The following TM7SF2 variants were observed in gnomAD, a reference collection of about 807,000 sequenced individuals.
TM7SF2 encodes delta(14)-sterol reductase TM7SF2.
In TM7SF2, 51 loss-of-function variants were observed where a neutral mutation model predicts 51.0. The observed-to-expected ratio is 1.00, with a 90% CI of 0.80 to 1.26. The LOEUF (loss-of-function observed/expected upper bound fraction) is 1.26, where lower values mean the gene tolerates loss of function less well. TM7SF2 is among the 50% of genes most tolerant of loss of function. TM7SF2 has a pLI of 0.00. For missense variants in TM7SF2, 541 were observed against 547.4 expected, an observed-to-expected ratio of 0.99 and a Z score of 0.12; for synonymous variants, 255 against 241.0, an observed-to-expected ratio of 1.06 and a Z score of -0.54.
At position 65,114,751 on chromosome 11, in the gene TM7SF2, G is replaced by A; in HGVS notation, c.642G>A (p.Glu214=). ...INLALLMKEA[E]LRGSPSLAMW... ...TGGCCCTGTTGATGAAGGAGGCAGA[G>A]CTTCGAGGCAGTCCCTCACTGGCCA... The change falls in exon 6 of 10, where the codon GAG becomes GAA. Residue 214 remains glutamate, a synonymous_variant. Coordinates refer to ENST00000279263, the MANE Select transcript of TM7SF2 (RefSeq NM_003273.6). 2 of 1,614,266 alleles carry A rather than the reference G, an allele frequency of 1.2e-6. No individual in the cohort carries two copies. Among genetic ancestry groups the A allele is most frequent in the Non-Finnish European group, 1.7e-6 (2 of 1,180,046 alleles).
Position 65,112,606 on chromosome 11 carries a change from C to A in TM7SF2, c.144C>A (p.Pro48=), listed in dbSNP as rs754962825. ...GCCCCGCGCGCCTGCTGGGTCCACC[C>A]GCGTCCCTGCCGGGGCTGGAGGTGC... is the stretch of plus-strand genomic sequence containing the variant. ...RSGPARLLGP[P]ASLPGLEVLW... Residue 48 remains proline, a synonymous_variant, in exon 2 of 10, where the codon CCC becomes CCA. Coordinates refer to ENST00000279263, the MANE Select transcript of TM7SF2 (RefSeq NM_003273.6). 1 of 1,517,432 alleles carries A rather than the reference C, an allele frequency of 6.6e-7. No homozygotes were observed. The highest frequency in any genetic ancestry group is 2.6e-5 in the East Asian group (1 of 38,234). 94.0% of individuals were successfully genotyped at this position (1,517,432 alleles called of 1,614,324 possible). A position where few individuals can be genotyped will look rare whatever the true frequency, so the allele number is the denominator to read the frequency against.
rs753946785 is a variant in TM7SF2 at position 65,115,100 on chromosome 11, G to A, written c.892+19G>A. On this transcript the variant is annotated intron_variant, in intron 7 of 9. Transcript: ENST00000279263. The stretch of plus-strand genomic sequence containing the variant: ...ATCAATGGTCAGTCAGGAAGGGGCA[G>A]CAGGCTGGGCCCATCTTCCCCCTAT... 17 of 1,610,114 alleles carry A rather than the reference G, an allele frequency of 1.1e-5. No homozygotes were observed. The East Asian group carries it at 3.8e-4, about 36-fold the overall frequency.
At position 65,113,297 on chromosome 11, in the gene TM7SF2, G is replaced by A; in HGVS notation, c.382G>A (p.Glu128Lys). Residue 128 changes from glutamate (E) to lysine (K), a missense_variant, in exon 4 of 10, where the codon GAA (glutamate) becomes AAA (lysine). Coordinates refer to ENST00000279263, the MANE Select transcript of TM7SF2 (RefSeq NM_003273.6). ...GGGGCTGCCTCTGGGGGCGCTCCCG[G>A]AAATGCTCCTGCCCTTGGCGTTTGT... is the stretch of plus-strand genomic sequence containing the variant. ...SAGLPLGALP[E>K]MLLPLAFVAT... The A allele has an allele frequency of 6.2e-6, 10 of 1,612,464 alleles. No individual in the cohort carries two copies. Among genetic ancestry groups the A allele is most frequent in the East Asian group, 2.2e-5 (1 of 44,880 alleles).
intron 5 of TM7SF2, 36 bp from the exon 6 acceptor site, chr11:65,114,677 T>C: frequency 6.2e-7 from 1 of 1,607,350 alleles, no homozygotes; most frequent in Non-Finnish European, 8.5e-7. Context: ...AGGCTGCCAC[T>C]TCTGTGGAGA....
intron 2 of TM7SF2, 39 bp downstream of exon 2, chr11:65,112,750 G>A (rs1947925292): frequency 6.5e-7 from 1 of 1,549,312 alleles, no homozygotes; most frequent in Non-Finnish European, 8.7e-7. Context: ...GGAGGGAAGC[G>A]AATGGGCTCG....
chr11:65,112,236 A>G, intron 1 of TM7SF2, 169 bp downstream of exon 1: 1 of 724,534 alleles, frequency 1.4e-6, no homozygotes, highest in Admixed American at 3.1e-5. Context: ...AGAGCTGAGG[A>G]GGGGCCGGTT....
At chr11:65,113,145 T>G in intron 3 of TM7SF2, 75 bp from the exon 4 acceptor site, 13 of 1,437,090 alleles carry the variant, frequency 9.0e-6, no homozygotes, top group Non-Finnish European at 1.2e-5. Flanking sequence ...CCCTGAGTTT[T>G]GGGCTCTGCG....
rs1947979225 is a variant in TM7SF2 at position 65,116,028 on chromosome 11, A to T, written c.1232A>T (p.Tyr411Phe). 1 of 1,609,952 alleles carries T rather than the reference A, an allele frequency of 6.2e-7. No homozygotes were observed. The highest frequency in any genetic ancestry group is 1.1e-5 in the South Asian group (1 of 91,022). Residue 411 changes from tyrosine to phenylalanine, a missense_variant, in exon 10 of 10, where the codon TAC (tyrosine) becomes TTC (phenylalanine). Tyr to Phe is a conservative substitution (Grantham distance 22, BLOSUM62 3). Transcript: ENST00000279263. ...AWQEYCRRVP[Y>F]RIMPYIY ...CAGGAGTACTGCCGGCGTGTGCCTT[A>T]CCGCATCATGCCCTACATCTACTGA...
rs1258196859 is a variant in TM7SF2, at chr11:65,115,464, GTC to G, written c.974-10_974-9del. 5 of 1,614,062 alleles carry G rather than the reference GTC, an allele frequency of 3.1e-6. No homozygotes were observed. The highest frequency in any genetic ancestry group is 4.2e-6 in the Non-Finnish European group (5 of 1,180,026). On this transcript the variant is annotated splice_polypyrimidine_tract_variant and intron_variant, in intron 8 of 9. Coordinates refer to ENST00000279263, the MANE Select transcript of TM7SF2 (RefSeq NM_003273.6). ...CTTCCTGGGAACTCTCCACCCTGCT[GTC>G]TTTCCCCAGGGCTTGAGACCATCTC... is the stretch of plus-strand genomic sequence containing the variant.
intron 1 of TM7SF2, 140 bp from the exon 2 acceptor site, chr11:65,112,375 G>A: frequency 2.0e-6 from 2 of 986,926 alleles, no homozygotes; most frequent in African/African-American, 1.7e-5. Context: ...GTGCCTGGGG[G>A]CCGAGGGCTG....
rs1947911180 is a variant in TM7SF2, at chr11:65,112,025, A to G, written c.10A>G (p.Thr4Ala). 1.3e-6 allele frequency: 2 copies of G among 1,589,074 alleles called. No individual in the cohort carries two copies. The highest frequency in any genetic ancestry group is 1.1e-5 in the South Asian group (1 of 87,164). The change falls in exon 1 of 10, where the codon ACT becomes GCT. Residue 4 changes from threonine to alanine, a missense_variant. Coordinates refer to ENST00000279263, the MANE Select transcript of TM7SF2 (RefSeq NM_003273.6). ...CGGCGGAGCGGAGACCATGGCCCCC[A>G]CTCAGGGCCCCCGGGCCCCGCTGGA... MAP[T>A]QGPRAPLEFG... is the part of the protein sequence containing the mutation.
chr11:65,112,097 C>T lies in TM7SF2; in HGVS notation c.52+30C>T, dbSNP rs749776486. The T allele has an allele frequency of 6.3e-7, 1 of 1,583,262 alleles. No homozygotes were observed. The highest frequency in any genetic ancestry group is 1.2e-5 in the South Asian group (1 of 86,892). On this transcript the variant is annotated intron_variant, in intron 1 of 9. Coordinates refer to ENST00000279263, the MANE Select transcript of TM7SF2 (RefSeq NM_003273.6). ...TGGGGCAGAGAGATGGGACCTGGGG[C>T]AAAGGCTAAGCGAAGGAGAGCTGGA...
rs1269532861 is a variant in TM7SF2, at chr11:65,112,853, T to C, written c.292T>C (p.Tyr98His). The C allele has an allele frequency of 3.9e-6, 6 of 1,550,638 alleles. No homozygotes were observed. The highest frequency in any genetic ancestry group is 2.0e-5 in the Admixed American group (1 of 51,008). The change falls in exon 3 of 10, where the codon TAT becomes CAT. Residue 98 changes from tyrosine (Y) to histidine (H), a missense_variant. Coordinates refer to ENST00000279263, the MANE Select transcript of TM7SF2 (RefSeq NM_003273.6). Reference sequence around the variant, plus strand: ...ATTGAAGGACAAGAGTCGCCTGCGCTATCCTATTAACGGTGCCTAGGGGAC... The same window carrying C: ...ATTGAAGGACAAGAGTCGCCTGCGCCATCCTATTAACGGTGCCTAGGGGAC... The part of the protein sequence containing the change: ...QELKDKSRLR[Y>H]PINGFQALVL...
chr11:65,112,354 G>C, intron 1 of TM7SF2, 161 bp from the exon 2 acceptor site: 1 of 832,408 alleles, frequency 1.2e-6, no homozygotes, highest in Non-Finnish European at 1.8e-6. Flanking sequence ...AGGGAACTGG[G>C]AGGCAGCGGG....
rs1334073111 is a variant in TM7SF2, at chr11:65,112,840, G to A, written c.279G>A (p.Lys93=). ...KVAEGQELKD[K]SRLRYPINGF... ...CCGAGGGGCAGGAATTGAAGGACAA[G>A]AGTCGCCTGCGCTATCCTATTAACG... is the stretch of plus-strand genomic sequence containing the variant. Residue 93 remains lysine, a synonymous_variant, in exon 3 of 10, where the codon AAG becomes AAA. Coordinates refer to ENST00000279263, the MANE Select transcript of TM7SF2 (RefSeq NM_003273.6). The A allele has an allele frequency of 4.5e-6, 7 of 1,550,832 alleles. No individual in the cohort carries two copies. Among genetic ancestry groups the A allele is most frequent in the Non-Finnish European group, 6.1e-6 (7 of 1,147,126 alleles).
At chr11:65,115,645 G>A (rs759201753) in intron 9 of TM7SF2, 47 bp downstream of exon 9, 21 of 1,611,556 alleles carry the variant, frequency 1.3e-5, no homozygotes, top group Non-Finnish European at 1.7e-5. Context: ...AGGGGAAGAG[G>A]TGGCTCAGCG....
Position 65,114,928 on chromosome 11 carries a change from A to G in TM7SF2, c.739A>G (p.Thr247Ala), listed in dbSNP as rs1292710984. Residue 247 changes from threonine to alanine, a missense_variant, in exon 7 of 10, where the codon ACC becomes GCC. Transcript: ENST00000279263. ...GTCCCTGCAGGAGGCCGTCCTCACC[A>G]CCATGGATATCACACATGACGGGTT... is the stretch of plus-strand genomic sequence containing the variant. ...ALWHEEAVLT[T>A]MDITHDGFGF... 1 of 1,614,048 alleles carries G rather than the reference A, an allele frequency of 6.2e-7. No homozygotes were observed. Among genetic ancestry groups the G allele is most frequent in the African/African-American group, 1.3e-5 (1 of 74,922 alleles).
At chr11:65,113,900 G>C in intron 5 of TM7SF2, 1 of 414,928 alleles carries the variant, frequency 2.4e-6, no homozygotes, top group East Asian at 5.2e-5. Context: ...CAGCAGTCAA[G>C]CACAGAATCT....
chr11:65,112,185 G>C, intron 1 of TM7SF2, 118 bp downstream of exon 1: 2 of 1,077,006 alleles, frequency 1.9e-6, no homozygotes, highest in Admixed American at 5.5e-5. Flanking sequence ...GTCGGAGGCA[G>C]AGGGACCCGG....
Sources: gnomAD v4.1 joint callset for allele counts on GRCh38, gnomAD v4.1.1 for gene constraint, MANE v1.5 for transcripts, NCBI Gene and HGNC (gene_info 2026-07-23, HGNC 2026-07-21) for gene names.